FAM135A: variants seen among roughly 807,000 people sequenced by gnomAD.
The protein encoded by FAM135A is family with sequence similarity 135 member A.
A neutral mutation model predicts 146.8 loss-of-function variants in FAM135A; 79 were observed. That is an observed-to-expected ratio of 0.54 (90% CI 0.45 to 0.65). FAM135A has a LOEUF of 0.65. Among genes scored for constraint, FAM135A ranks in the 30% least tolerant of loss-of-function variants. FAM135A has a pLI of 0.00. For missense variants in FAM135A, 1,623 were observed against 1,758.2 expected (o/e 0.92, Z 1.38); for synonymous variants, 562 against 603.6 (o/e 0.93, Z 1.01).
At chr6:70,479,737 CATT>C (rs1014062923) in intron 8 of FAM135A, among the ~76,000 whole-genome samples, 13 of 151,998 alleles carry the variant, frequency 8.6e-5, no homozygotes, top group Non-Finnish European at 1.8e-4. Context: ...TAATTTATAA[CATT>C]ATCTTTTAAA....
intron 8 of FAM135A, 57 bp downstream of exon 8, chr6:70,477,389 C>T: frequency 6.6e-7 from 1 of 1,523,130 alleles, no homozygotes; most frequent in Non-Finnish European, 8.9e-7. Context: ...TAAAGAAATA[C>T]CTGAGACTGG....
chr6:70,498,817 T>TCAA (rs1338393425), intron 11 of FAM135A, among the ~76,000 whole-genome samples: 1 of 152,230 alleles, frequency 6.6e-6, no homozygotes, highest in Non-Finnish European at 1.5e-5. Context: ...GAGTTCTAAT[T>TCAA]TGATTGCACT....
rs965581697 is a variant in FAM135A, at chr6:70,560,583, T to G, written c.*662T>G. On this transcript the variant is annotated 3_prime_UTR_variant, in exon 22 of 22. Coordinates refer to ENST00000418814, the MANE Select transcript of FAM135A (RefSeq NM_001162529.3). ...ACATTATTTCTCATACTGACTTTTA[T>G]TACTGGAAATGTTCCTGTACATGTT... The G allele has an allele frequency of 6.6e-6, 1 of 152,614 alleles. No homozygotes were observed. The highest frequency in any genetic ancestry group is 2.4e-5 in the African/African-American group (1 of 41,466). The allele number at this position is 152,614 out of a possible 1,614,324, so 9.5% of individuals were successfully genotyped here.
At chr6:70,436,832 A>G (rs893116635) in intron 4 of FAM135A, among the ~76,000 whole-genome samples, 3 of 152,234 alleles carry the variant, frequency 2.0e-5, no homozygotes, top group African/African-American at 4.8e-5. Flanking sequence ...CTTTGAACAC[A>G]TATGTTTTTA....
chr6:70,522,123 G>C (rs1457574641), intron 12 of FAM135A, among the ~76,000 whole-genome samples: 4 of 152,048 alleles, frequency 2.6e-5, no homozygotes, highest in African/African-American at 7.3e-5. Context: ...CACCATGTTG[G>C]CCAGGCTGGT....
intron 10 of FAM135A, among the ~76,000 whole-genome samples, chr6:70,485,651 A>G (rs1049263493): frequency 6.6e-6 from 1 of 152,238 alleles, no homozygotes; most frequent in African/African-American, 2.4e-5. Flanking sequence ...AAACTTGACT[A>G]TGCTTTGAAA....
intron 20 of FAM135A, among the ~76,000 whole-genome samples, chr6:70,546,689 G>C (rs2128468608): frequency 6.6e-6 from 1 of 152,256 alleles, no homozygotes; most frequent in African/African-American, 2.4e-5. Context: ...CTGGTAAAGG[G>C]TTACAGAAAT....
chr6:70,521,230 T>C (rs1321707688), intron 12 of FAM135A, among the ~76,000 whole-genome samples: 1 of 152,178 alleles, frequency 6.6e-6, no homozygotes, highest in Non-Finnish European at 1.5e-5. Context: ...TTGTAGGACT[T>C]AGAGAAGGTA....
intron 12 of FAM135A, among the ~76,000 whole-genome samples, chr6:70,505,263 G>C (rs1478644939): frequency 6.6e-6 from 1 of 152,062 alleles, no homozygotes; most frequent in Non-Finnish European, 1.5e-5. Context: ...ACACAATATT[G>C]ATATTTAATG....
At chr6:70,519,810 T>G (rs1176066385) in intron 12 of FAM135A, among the ~76,000 whole-genome samples, 1 of 152,224 alleles carries the variant, frequency 6.6e-6, no homozygotes, top group African/African-American at 2.4e-5. Context: ...TGTGACTTGC[T>G]TTATTGCAAT....
At chr6:70,518,544 T>C (rs948920994) in intron 12 of FAM135A, among the ~76,000 whole-genome samples, 1 of 152,210 alleles carries the variant, frequency 6.6e-6, no homozygotes, top group African/African-American at 2.4e-5. Flanking sequence ...TCTAGGACTT[T>C]CATAGCTAGA....
At chr6:70,418,610 C>G (rs1367893303) in intron 2 of FAM135A, 2 of 152,316 alleles carry the variant, frequency 1.3e-5, no homozygotes, top group African/African-American at 4.8e-5. Context: ...AGCCACTGTG[C>G]CTGACCTGGC....
Position 70,514,892 on chromosome 6 carries a change from G to C in FAM135A, c.1030-7621G>C, listed in dbSNP as rs150639147. 7.2e-5 allele frequency among the ~76,000 whole-genome samples: 11 copies of C among 152,280 alleles called. No individual in the cohort carries two copies. In the East Asian group the frequency reaches 1.9e-3, roughly 27 times the overall value. On this transcript the variant is annotated intron_variant, in intron 12 of 21. Transcript: ENST00000418814. Reference sequence around the variant, plus strand: ...GGTGGGGAGGGAATGTAGCCATTTTGAAATACATCCAGAACATTCTGTCCT... The same window carrying C: ...GGTGGGGAGGGAATGTAGCCATTTTCAAATACATCCAGAACATTCTGTCCT...
intron 5 of FAM135A, among the ~76,000 whole-genome samples, chr6:70,464,610 A>G (rs1780012447): frequency 6.6e-6 from 1 of 151,442 alleles, no homozygotes; most frequent in African/African-American, 2.4e-5. Context: ...GAATAACAGA[A>G]CAATATTTCA....
intron 2 of FAM135A, among the ~76,000 whole-genome samples, chr6:70,424,745 C>A (rs1456735394): frequency 1.3e-5 from 2 of 152,182 alleles, no homozygotes; most frequent in Non-Finnish European, 2.9e-5. Flanking sequence ...CGAAGAACCA[C>A]CAACACCCGG....
chr6:70,485,479 T>C (rs1784441865), intron 10 of FAM135A, among the ~76,000 whole-genome samples: 3 of 152,152 alleles, frequency 2.0e-5, no homozygotes, highest in African/African-American at 4.8e-5. Context: ...CAAAATAAAA[T>C]TGTGAACACT....
intron 2 of FAM135A, among the ~76,000 whole-genome samples, chr6:70,418,076 A>G (rs1767943477): frequency 6.6e-6 from 1 of 152,134 alleles, no homozygotes; most frequent in Non-Finnish European, 1.5e-5. Context: ...GCTGGCCCTC[A>G]TGAGTTCATT....
At chr6:70,422,914 G>C (rs74552954) in intron 2 of FAM135A, among the ~76,000 whole-genome samples, 19,745 of 152,116 alleles carry the variant, frequency 0.13, 1,530 homozygotes, top group Middle Eastern at 0.19. Flanking sequence ...AGACTAATAA[G>C]TAAAATATTT....
chr6:70,540,099 A>G (rs918938530), intron 20 of FAM135A, among the ~76,000 whole-genome samples: 2 of 152,144 alleles, frequency 1.3e-5, no homozygotes, highest in Non-Finnish European at 2.9e-5. Flanking sequence ...ATTTTTGGTA[A>G]TTTGATGAGT....
Sources: gnomAD v4.1 joint callset for allele counts (sites outside exome capture counted in the v4.1 genomes callset) on GRCh38, gnomAD v4.1.1 for gene constraint, MANE v1.5 for transcripts, NCBI Gene and HGNC (gene_info 2026-07-23, HGNC 2026-07-21) for gene names.